ASPH: variants seen among roughly 807,000 people sequenced by gnomAD.
ASPH encodes the protein aspartate beta-hydroxylase.
Under a neutral mutation model 118.4 loss-of-function variants are expected in ASPH, and 100 were observed. The observed-to-expected ratio is 0.84, with a 90% CI of 0.72 to 1.00. ASPH has a LOEUF of 1.00. Among genes scored for constraint, ASPH ranks in the 50% least tolerant of loss-of-function variants. The pLI, the probability that ASPH is intolerant of heterozygous loss-of-function variation, is 0.00. For missense variants in ASPH, 920 were observed against 919.5 expected (o/e 1.00, Z -0.01); for synonymous variants, 315 against 325.6 (o/e 0.97, Z 0.35).
chr8:61,629,261 T>G (rs990047342), intron 13 of ASPH, among the ~76,000 whole-genome samples: 4 of 152,230 alleles, frequency 2.6e-5, no homozygotes, highest in Admixed American at 2.6e-4. Context: ...AATTCTTTTC[T>G]GGCAGGGTAT....
intron 21 of ASPH, among the ~76,000 whole-genome samples, chr8:61,528,943 T>C (rs1816532151): frequency 6.6e-6 from 1 of 152,228 alleles, no homozygotes; most frequent in South Asian, 2.1e-4. Context: ...TAACTAGTAC[T>C]ACTAACTCAG....
At chr8:61,625,533 T>A in intron 13 of ASPH, 1 of 985,198 alleles carries the variant, frequency 1.0e-6, no homozygotes, top group African/African-American at 1.7e-5. Flanking sequence ...CATTTTTGCA[T>A]GATAATAGTA....
chr8:61,707,781 A>C (rs1022117152), intron 1 of ASPH, among the ~76,000 whole-genome samples: 7 of 152,240 alleles, frequency 4.6e-5, no homozygotes, highest in Admixed American at 1.3e-4. Flanking sequence ...AATTTCAAAC[A>C]AATGCTGTCA....
At chr8:61,565,369 T>C (rs1447504986) in intron 17 of ASPH, among the ~76,000 whole-genome samples, 2 of 152,188 alleles carry the variant, frequency 1.3e-5, no homozygotes, top group Admixed American at 6.5e-5. Flanking sequence ...CATTTTGCTA[T>C]AGTTAAGGAA....
chr8:61,567,939 A>G (rs1402979835), intron 16 of ASPH, among the ~76,000 whole-genome samples: 9 of 152,168 alleles, frequency 5.9e-5, no homozygotes, highest in African/African-American at 2.2e-4. Context: ...GAAGAGAGGG[A>G]GCAAATTATG....
intron 6 of ASPH, among the ~76,000 whole-genome samples, chr8:61,644,925 G>A (rs1184261466): frequency 2.6e-5 from 4 of 152,094 alleles, no homozygotes; most frequent in Admixed American, 2.0e-4. Context: ...CAGGAAAGCC[G>A]TTCATTTCTA....
intron 1 of ASPH, chr8:61,689,531 TC>T: frequency 1.3e-6 from 1 of 744,446 alleles, no homozygotes; most frequent in African/African-American, 1.8e-5. Flanking sequence ...AGTCAGTATC[TC>T]CAGGAGTTCA....
At chr8:61,577,627 G>C (rs1563889567) in intron 15 of ASPH, among the ~76,000 whole-genome samples, 1 of 152,170 alleles carries the variant, frequency 6.6e-6, no homozygotes, top group Admixed American at 6.5e-5. Context: ...GGAGGCCTAA[G>C]GAAACTTGCG....
chr8:61,665,069 A>G (rs1818851017), intron 3 of ASPH: 1 of 1,335,412 alleles, frequency 7.5e-7, no homozygotes, highest in East Asian at 2.8e-5. Flanking sequence ...ATGTTTTTAC[A>G]TTTAGAAGTA....
At chr8:61,645,592 A>G (rs1451181998) in intron 6 of ASPH, among the ~76,000 whole-genome samples, 1 of 152,216 alleles carries the variant, frequency 6.6e-6, no homozygotes, top group African/African-American at 2.4e-5. Flanking sequence ...AAGGTAGTCT[A>G]TAAGTGCTTA....
At chr8:61,668,670 C>T (rs1820899660) in intron 3 of ASPH, among the ~76,000 whole-genome samples, 1 of 152,180 alleles carries the variant, frequency 6.6e-6, no homozygotes, top group Non-Finnish European at 1.5e-5. Flanking sequence ...CTCAATCACA[C>T]TTGCCATCCA....
At chr8:61,590,594 T>TGTGTG (rs1840827612) in intron 14 of ASPH, among the ~76,000 whole-genome samples, 1 of 146,518 alleles carries the variant, frequency 6.8e-6, no homozygotes, top group African/African-American at 2.6e-5. Flanking sequence ...GTGTATGAAT[T>TGTGTG]TCTCCCACTA....
At chr8:61,577,077 C>T (rs1188201354) in intron 15 of ASPH, among the ~76,000 whole-genome samples, 1 of 151,748 alleles carries the variant, frequency 6.6e-6, no homozygotes, top group Non-Finnish European at 1.5e-5. Flanking sequence ...GACAGAAGGA[C>T]AGAAAACCAA....
chr8:61,634,740 T>C (rs965124628), intron 12 of ASPH, among the ~76,000 whole-genome samples: 1 of 152,236 alleles, frequency 6.6e-6, no homozygotes, highest in African/African-American at 2.4e-5. Flanking sequence ...TAACACTTTA[T>C]CAACTTTGCC....
chr8:61,598,726 G>C (rs1843116307), intron 14 of ASPH, among the ~76,000 whole-genome samples: 2 of 152,152 alleles, frequency 1.3e-5, no homozygotes, highest in South Asian at 4.1e-4. Context: ...ACATTCTCCA[G>C]GTAGACCATA....
chr8:61,565,589 G>A (rs930736134), intron 17 of ASPH, among the ~76,000 whole-genome samples: 15 of 149,202 alleles, frequency 1.0e-4, no homozygotes, highest in African/African-American at 3.7e-4. Context: ...TAATGTAGAA[G>A]CTGTAGCAAG....
At chr8:61,691,301 A>G (rs1368071940) in intron 1 of ASPH, among the ~76,000 whole-genome samples, 1 of 152,162 alleles carries the variant, frequency 6.6e-6, no homozygotes, top group Non-Finnish European at 1.5e-5. Context: ...TGGTACCAAC[A>G]TTTGATGGTC....
chr8:61,546,759 T>TA (rs1824023779), intron 21 of ASPH, among the ~76,000 whole-genome samples: 1 of 152,208 alleles, frequency 6.6e-6, no homozygotes, highest in African/African-American at 2.4e-5. Flanking sequence ...TAGACCAAAT[T>TA]AATCAGTGAA....
Position 61,683,090 on chromosome 8 carries a change from A to T in ASPH, c.253+949T>A, listed in dbSNP as rs577260634. Among the ~76,000 whole-genome samples the T allele has an allele frequency of 2.6e-5, 4 of 152,268 alleles. No homozygotes were observed. In the East Asian group the frequency reaches 7.7e-4, roughly 29 times the overall value. ...AAGTGCAAAAAGGCAGATACAAAAG[A>T]TCATATAATGTATGGTTCCATTACA... On this transcript the variant is annotated intron_variant, in intron 2 of 24. Coordinates refer to ENST00000379454, the MANE Select transcript of ASPH (RefSeq NM_004318.4).
Sources: gnomAD v4.1 joint callset for allele counts (sites outside exome capture counted in the v4.1 genomes callset) on GRCh38, gnomAD v4.1.1 for gene constraint, MANE v1.5 for transcripts, NCBI Gene and HGNC (gene_info 2026-07-23, HGNC 2026-07-21) for gene names.